NRG1: variants seen among roughly 807,000 people sequenced by gnomAD.
The protein encoded by NRG1 is pro-neuregulin-1, membrane-bound isoform.
NRG1 carries 18 observed loss-of-function variants against 63.8 expected under a neutral mutation model. The observed-to-expected ratio is 0.28, with a 90% CI of 0.19 to 0.42. The LOEUF is 0.42. NRG1 is among the 10% of genes least tolerant of loss of function. NRG1 has a pLI of 1.00. For missense variants in NRG1, 762 were observed against 814.7 expected (o/e 0.94, Z 0.79); for synonymous variants, 302 against 301.3 (o/e 1.00, Z -0.02).
intron 1 of NRG1, among the ~76,000 whole-genome samples, chr8:32,196,828 T>C (rs1257640854): frequency 2.0e-5 from 3 of 151,910 alleles, no homozygotes; most frequent in Non-Finnish European, 4.4e-5. Context: ...TCTAGCATGA[T>C]ATTATTCTAT....
In NRG1 at chr8:32,542,284, A is replaced by G. The variant is rs908685102; in HGVS notation, c.38-53544A>G. ...TGATTAGTCCAGATTTTTATTTTAC[A>G]TATTTGTTCATGGAAAGGCTTATTT... is the stretch of plus-strand genomic sequence containing the variant. On this transcript the variant is annotated intron_variant, in intron 1 of 10. Transcript: ENST00000519301. Among the ~76,000 whole-genome samples, 75 of 152,318 alleles carry G rather than the reference A, an allele frequency of 4.9e-4. 1 individual carries two copies. The highest frequency in any genetic ancestry group is 4.7e-3 in the Admixed American group (72 of 15,292).
chr8:32,172,588 C>A (rs952818800), intron 1 of NRG1, among the ~76,000 whole-genome samples: 9 of 151,966 alleles, frequency 5.9e-5, no homozygotes. Context: ...AGTTAAAAAC[C>A]TTGAAAAAAA....
intron 1 of NRG1, among the ~76,000 whole-genome samples, chr8:31,718,096 T>C (rs1464123228): frequency 6.6e-6 from 1 of 152,206 alleles, no homozygotes; most frequent in Admixed American, 6.5e-5. Flanking sequence ...CTAATGGATA[T>C]TTGTTGCTGA....
chr8:32,272,652 T>G (rs890240258), intron 1 of NRG1, among the ~76,000 whole-genome samples: 4 of 152,164 alleles, frequency 2.6e-5, no homozygotes, highest in African/African-American at 2.4e-5. Flanking sequence ...GGTTGCTGGA[T>G]GCAAGAGGCT....
chr8:32,003,344 C>T (rs918199225), intron 1 of NRG1, among the ~76,000 whole-genome samples: 4 of 152,044 alleles, frequency 2.6e-5, no homozygotes, highest in Non-Finnish European at 2.9e-5. Flanking sequence ...TTCTAATTGA[C>T]ATGTATAGAC....
At chr8:32,635,314 G>T (rs1192128330) in intron 5 of NRG1, among the ~76,000 whole-genome samples, 1 of 152,184 alleles carries the variant, frequency 6.6e-6, no homozygotes, top group African/African-American at 2.4e-5. Context: ...ATACAGATTA[G>T]GTCTTTGGAA....
At chr8:31,932,022 C>A (rs1477482880) in intron 1 of NRG1, among the ~76,000 whole-genome samples, 1 of 152,132 alleles carries the variant, frequency 6.6e-6, no homozygotes, top group African/African-American at 2.4e-5. Context: ...TTTACACCTG[C>A]AGCTGGATGG....
intron 1 of NRG1, among the ~76,000 whole-genome samples, chr8:32,551,188 G>T (rs1388959433): frequency 6.6e-6 from 1 of 152,122 alleles, no homozygotes; most frequent in Non-Finnish European, 1.5e-5. Context: ...CCACACTCTA[G>T]GTTTCAGGCA....
chr8:31,671,035 C>T (rs1456628464), intron 1 of NRG1, among the ~76,000 whole-genome samples: 3 of 152,156 alleles, frequency 2.0e-5, no homozygotes, highest in Admixed American at 6.5e-5. Flanking sequence ...TTAGCTCCCA[C>T]TTATAAGTGA....
intron 1 of NRG1, among the ~76,000 whole-genome samples, chr8:31,880,438 C>T (rs774189471): frequency 8.5e-5 from 13 of 152,064 alleles, no homozygotes; most frequent in East Asian, 1.9e-4. Flanking sequence ...TTTTAGCTTA[C>T]GAAAGCTACT....
intron 1 of NRG1, among the ~76,000 whole-genome samples, chr8:31,783,300 A>G (rs1205082446): frequency 1.3e-5 from 2 of 152,192 alleles, no homozygotes; most frequent in Non-Finnish European, 2.9e-5. Context: ...ATACCTTGGG[A>G]AGATTGTGTT....
intron 1 of NRG1, among the ~76,000 whole-genome samples, chr8:32,293,115 A>AAAATG (rs1441578391): frequency 6.6e-6 from 1 of 152,040 alleles, no homozygotes; most frequent in African/African-American, 2.4e-5. Context: ...AATATAAAAT[A>AAAATG]AAATAAAATA....
At chr8:32,222,981 C>A (rs996159651) in intron 1 of NRG1, among the ~76,000 whole-genome samples, 1 of 152,154 alleles carries the variant, frequency 6.6e-6, no homozygotes, top group Non-Finnish European at 1.5e-5. Context: ...CAAAGAGAGA[C>A]AATGGCATTC....
At chr8:32,028,506 T>C (rs1480640093) in intron 1 of NRG1, among the ~76,000 whole-genome samples, 1 of 152,202 alleles carries the variant, frequency 6.6e-6, no homozygotes, top group Non-Finnish European at 1.5e-5. Flanking sequence ...ATAAGAGCTT[T>C]GCCTATGTAT....
rs370111398 is a variant in NRG1, at chr8:32,673,066, T to TG, written c.503-54883_503-54882insG. On this transcript the variant is annotated intron_variant, in intron 5 of 11. Coordinates refer to ENST00000356819, the Ensembl canonical transcript of NRG1. ...GTCTTGACCATAGTGTTTATGCCTA[T>TG]AATTAAAACAAACCAAAGCCAAAAA... Among the ~76,000 whole-genome samples the TG allele has an allele frequency of 4.3e-3, 661 of 152,338 alleles. 6 individuals carry two copies. The highest frequency in any genetic ancestry group is 0.015 in the African/African-American group (644 of 41,592).
intron 5 of NRG1, chr8:32,647,231 C>CCTGCCGCCGCTGCTG (rs1853776532): frequency 1.0e-6 from 1 of 985,348 alleles, no homozygotes; most frequent in South Asian, 4.7e-5. Context: ...TACTGCCTCT[C>CCTGCCGCCGCTGCTG]CTGCCGCCGC....
intron 1 of NRG1, among the ~76,000 whole-genome samples, chr8:32,353,221 A>G (rs1586994352): frequency 6.6e-6 from 1 of 150,668 alleles, no homozygotes; most frequent in East Asian, 1.9e-4. Context: ...AGATAGATTC[A>G]AGTTTCAAAA....
At chr8:31,924,956 A>G (rs1834217782) in intron 1 of NRG1, among the ~76,000 whole-genome samples, 1 of 151,540 alleles carries the variant, frequency 6.6e-6, no homozygotes, top group Non-Finnish European at 1.5e-5. Flanking sequence ...TACCGTGGTC[A>G]GAGCATATGG....
chr8:32,010,339 T>C (rs1022525037), intron 1 of NRG1, among the ~76,000 whole-genome samples: 4 of 152,060 alleles, frequency 2.6e-5, no homozygotes, highest in African/African-American at 9.7e-5. Context: ...TGCAAACCCA[T>C]GTAGGTGATC....
Sources: allele counts gnomAD v4.1 joint callset (sites outside exome capture counted in the v4.1 genomes callset), GRCh38; gene constraint gnomAD v4.1.1; transcripts MANE v1.5; gene names NCBI Gene and HGNC (gene_info 2026-07-23, HGNC 2026-07-21).